Variants in AGBL1 observed in about 807,000 individuals in gnomAD.
The protein encoded by AGBL1 is cytosolic carboxypeptidase 4.
A neutral mutation model predicts 118.9 loss-of-function variants in AGBL1; 130 were observed. The ratio of observed to expected loss-of-function variants is 1.09; its 90% CI spans 0.95 to 1.26. AGBL1 has a LOEUF of 1.26. AGBL1 is among the 50% of genes most tolerant of loss of function. The probability of loss-of-function intolerance (pLI) is 0.00; values close to 1 mark genes in which losing one functional copy is unlikely to be tolerated. For synonymous variants in AGBL1, 555 were observed against 478.9 expected (o/e 1.16, Z -2.08); for missense variants, 1,584 against 1,298.1 (o/e 1.22, Z -3.38).
At chr15:86,080,078 T>C in intron 1 of AGBL1, 55 bp downstream of exon 1, 2 of 1,214,792 alleles carry the variant, frequency 1.6e-6, no homozygotes, top group Non-Finnish European at 2.1e-6. Context: ...TTGCCTGGGC[T>C]GGCCTGCCTG....
At chr15:87,026,509 T>C (rs990776370) in intron 24 of AGBL1, among the ~76,000 whole-genome samples, 1 of 151,964 alleles carries the variant, frequency 6.6e-6, no homozygotes, top group Admixed American at 6.6e-5. Context: ...GACGTTGGCA[T>C]GGATGTGGTG....
chr15:86,493,548 G>A lies in AGBL1; in HGVS notation c.2556-29262G>A, dbSNP rs540693327. 3.0e-4 allele frequency among the ~76,000 whole-genome samples: 45 copies of A among 152,164 alleles called. No homozygotes were observed. The South Asian group carries it at 7.3e-3, about 25-fold the overall frequency. ...CAGGTGGCATCTCTTGGCCCATTGA[G>A]AGCCAGAATAATTGGGTCTTGATCT... On this transcript the variant is annotated intron_variant, in intron 18 of 22. Coordinates refer to ENST00000614907, the MANE Select transcript of AGBL1 (RefSeq NM_001386094.1).
intron 22 of AGBL1, among the ~76,000 whole-genome samples, chr15:86,710,503 G>A (rs1213607194): frequency 2.0e-5 from 3 of 152,138 alleles, no homozygotes; most frequent in African/African-American, 4.8e-5. Context: ...TTGGAAAAGT[G>A]CAATTTAATT....
chr15:86,108,834 G>C (rs907513069), intron 1 of AGBL1, among the ~76,000 whole-genome samples: 1 of 152,134 alleles, frequency 6.6e-6, no homozygotes, highest in Non-Finnish European at 1.5e-5. Flanking sequence ...GCATGCACCT[G>C]TAGTCCCAGC....
At chr15:86,932,579 A>C (rs1390736033) in intron 23 of AGBL1, among the ~76,000 whole-genome samples, 1 of 152,228 alleles carries the variant, frequency 6.6e-6, no homozygotes, top group South Asian at 2.1e-4. Context: ...TCAAATCACC[A>C]GTCTTCAGAG....
intron 16 of AGBL1, among the ~76,000 whole-genome samples, chr15:86,285,535 T>G: frequency 6.6e-6 from 1 of 152,290 alleles, no homozygotes; most frequent in Non-Finnish European, 1.5e-5. Flanking sequence ...CCTGCCACCA[T>G]GTAAGACGTG....
intron 22 of AGBL1, among the ~76,000 whole-genome samples, chr15:86,769,202 GGAGAGAGA>G (rs56130631): frequency 3.5e-5 from 5 of 143,548 alleles, no homozygotes; most frequent in African/African-American, 5.2e-5. Context: ...AGAGAAAGAG[GGAGAGAGA>G]GAGAGAGAGA....
At chr15:86,439,639 G>A (rs2082038291) in intron 18 of AGBL1, among the ~76,000 whole-genome samples, 1 of 152,184 alleles carries the variant, frequency 6.6e-6, no homozygotes, top group East Asian at 1.9e-4. Context: ...GTGAGACAAG[G>A]CAATACTGAG....
intron 6 of AGBL1, among the ~76,000 whole-genome samples, chr15:86,226,711 A>G (rs1157926614): frequency 6.6e-6 from 1 of 152,140 alleles, no homozygotes; most frequent in Non-Finnish European, 1.5e-5. Context: ...TAGTAGGCTG[A>G]GTGTGCAGTG....
chr15:86,148,402 C>A (rs2077060709), intron 3 of AGBL1, among the ~76,000 whole-genome samples: 1 of 152,112 alleles, frequency 6.6e-6, no homozygotes, highest in African/African-American at 2.4e-5. Flanking sequence ...GAATGGCTAA[C>A]TAGAATAAAC....
At position 86,952,894 on chromosome 15, in the gene AGBL1, T is replaced by C. The variant is rs149870501; in HGVS notation, c.3222-35093T>C. ...TAAGGGTCCAGTTTCATTCTGCATATAGTCAATTATGCAAGCATAAGTCAT... is the reference window on the plus strand; with the variant it reads ...TAAGGGTCCAGTTTCATTCTGCATACAGTCAATTATGCAAGCATAAGTCAT... On this transcript the variant is annotated intron_variant, in intron 23 of 24. Coordinates refer to the AGBL1 transcript ENST00000441037. Among the ~76,000 whole-genome samples the C allele has an allele frequency of 6.5e-3, 992 of 152,328 alleles. 14 individuals are homozygous for C. The highest frequency in any genetic ancestry group is 0.023 in the African/African-American group (959 of 41,578).
At chr15:86,596,258 C>T (rs2084403636) in intron 21 of AGBL1, among the ~76,000 whole-genome samples, 1 of 152,002 alleles carries the variant, frequency 6.6e-6, no homozygotes, top group African/African-American at 2.4e-5. Flanking sequence ...TATTGCCCTT[C>T]AACAAAAGTC....
At chr15:86,997,890 GA>G (rs1567278910) in intron 24 of AGBL1, among the ~76,000 whole-genome samples, 14,933 of 145,922 alleles carry the variant, frequency 0.1, 1,341 homozygotes, top group African/African-American at 0.24. Context: ...ACATGTGGAA[GA>G]CACACACACA....
chr15:86,622,790 C>G (rs970766798), intron 21 of AGBL1, among the ~76,000 whole-genome samples: 4 of 152,076 alleles, frequency 2.6e-5, no homozygotes, highest in African/African-American at 9.7e-5. Context: ...TTACCGTGTA[C>G]TTTATTTTTA....
intron 18 of AGBL1, among the ~76,000 whole-genome samples, chr15:86,482,312 G>T (rs1313891812): frequency 6.6e-6 from 1 of 152,120 alleles, no homozygotes; most frequent in African/African-American, 2.4e-5. Context: ...AGCACAAATG[G>T]TTATTAATTA....
At chr15:86,698,488 C>T (rs953790325) in intron 22 of AGBL1, among the ~76,000 whole-genome samples, 7 of 151,984 alleles carry the variant, frequency 4.6e-5, no homozygotes, top group African/African-American at 1.7e-4. Flanking sequence ...CCCACCTGCA[C>T]CCCCATACAC....
chr15:86,546,852 A>G (rs1303552567), intron 20 of AGBL1, among the ~76,000 whole-genome samples: 2 of 152,216 alleles, frequency 1.3e-5, no homozygotes, highest in African/African-American at 2.4e-5. Context: ...CCCAAACACT[A>G]AATGAAAACT....
chr15:86,732,794 C>T (rs112940050), intron 22 of AGBL1, among the ~76,000 whole-genome samples: 10 of 151,770 alleles, frequency 6.6e-5, no homozygotes, highest in African/African-American at 2.4e-4. Flanking sequence ...ATAATGATAG[C>T]ATCTGTCTCA....
In AGBL1 at chr15:86,603,834, T is replaced by TTTG. The variant is rs552047224; in HGVS notation, c.2994+49315_2994+49317dup. ...TGCAGCAGTCTGTTTGCCATTTGTT[T>TTTG]TTGTTGTTGTTGTTGTTGTTTTTGT... On this transcript the variant is annotated intron_variant, in intron 21 of 22. Coordinates refer to ENST00000614907, the MANE Select transcript of AGBL1 (RefSeq NM_001386094.1). Among the ~76,000 whole-genome samples, 127 of 152,250 alleles carry TTTG rather than the reference T, an allele frequency of 8.3e-4. 2 individuals are homozygous for TTTG. The South Asian group carries it at 0.017, about 20-fold the overall frequency.
Sources: allele counts gnomAD v4.1 joint callset (sites outside exome capture counted in the v4.1 genomes callset), GRCh38; gene constraint gnomAD v4.1.1; transcripts MANE v1.5; gene names NCBI Gene and HGNC (gene_info 2026-07-23, HGNC 2026-07-21).